CD99: variants seen among roughly 807,000 people sequenced by gnomAD.
CD99 encodes the protein CD99 molecule (Xg blood group).
In CD99, 19 loss-of-function variants were observed where a neutral mutation model predicts 28.4. That is an observed-to-expected ratio of 0.67 (90% CI 0.47 to 0.98). CD99 has a LOEUF of 0.98. Among genes scored for constraint, CD99 ranks in the 50% least tolerant of loss-of-function variants. The probability of loss-of-function intolerance (pLI) is 0.00; values close to 1 mark genes in which losing one functional copy is unlikely to be tolerated. For missense variants in CD99, 283 were observed against 248.8 expected (o/e 1.14, Z -0.92); for synonymous variants, 103 against 92.1 (o/e 1.12, Z -0.67).
chrX:2,740,429 GCATCATTGCAA>G (rs2050144948), intron 9 of CD99, among the ~76,000 whole-genome samples: 1 of 152,094 alleles, frequency 6.6e-6, no homozygotes, highest in Non-Finnish European at 1.5e-5. Flanking sequence ...TCTCAGCCCA[GCATCATTGCAA>G]ATCAATAAAA....
intron 1 of CD99, among the ~76,000 whole-genome samples, chrX:2,707,736 G>A (rs532435261): frequency 6.6e-6 from 1 of 152,196 alleles, no homozygotes; most frequent in Non-Finnish European, 1.5e-5. Context: ...GCTGAATGCC[G>A]TAAACGTGCA....
chrX:2,721,432 G>T (rs2048988712), intron 5 of CD99, among the ~76,000 whole-genome samples: 1 of 151,888 alleles, frequency 6.6e-6, no homozygotes, highest in South Asian at 2.1e-4. Context: ...AGTAGCTGGG[G>T]CTACAGGCAC....
chrX:2,727,101 C>T (rs2049330186), intron 8 of CD99, among the ~76,000 whole-genome samples: 1 of 152,210 alleles, frequency 6.6e-6, no homozygotes, highest in Admixed American at 6.5e-5. Context: ...CATGTGACTG[C>T]ACTCCAGCCT....
chrX:2,719,577 G>T (rs2048898096), intron 3 of CD99, 84 bp from the exon 4 acceptor site: 1 of 1,052,682 alleles, frequency 9.5e-7, no homozygotes, highest in Non-Finnish European at 1.5e-6. Context: ...TGGGGCCGTG[G>T]TGTGTTTTTG....
At chrX:2,714,395 TA>T in intron 1 of CD99, 26 bp from the exon 2 acceptor site, 1 of 1,539,494 alleles carries the variant, frequency 6.5e-7, no homozygotes, top group Non-Finnish European at 8.9e-7. Flanking sequence ...TTCTTGTTTC[TA>T]AGTTGACTCT....
At chrX:2,737,619 C>T (rs1050533550) in intron 8 of CD99, among the ~76,000 whole-genome samples, 3 of 151,926 alleles carry the variant, frequency 2.0e-5, no homozygotes, top group East Asian at 1.9e-4. Flanking sequence ...CTCAGCCTCC[C>T]GAGTAGCTGG....
chrX:2,739,631 TTACTAGAG>T (rs1347971632), intron 9 of CD99, among the ~76,000 whole-genome samples: 1 of 151,756 alleles, frequency 6.6e-6, no homozygotes, highest in Non-Finnish European at 1.5e-5. Context: ...CTTTCTGTTT[TTACTAGAG>T]ACGGGGCTTT....
At chrX:2,704,200 T>C (rs1436499292) in intron 1 of CD99, among the ~76,000 whole-genome samples, 1 of 152,182 alleles carries the variant, frequency 6.6e-6, no homozygotes, top group African/African-American at 2.4e-5. Context: ...CTTGTAAAAC[T>C]TGGCGTAGCT....
Position 2,712,804 on chromosome X carries a change from C to T in CD99, c.68-1618C>T, listed in dbSNP as rs183611403. On this transcript the variant is annotated intron_variant, in intron 1 of 9. Coordinates refer to ENST00000381192, the MANE Select transcript of CD99 (RefSeq NM_002414.5). ...ACACACACACAGACATACAAGCAGA[C>T]GTGGACACACCTACCTGTATGTACA... is the stretch of plus-strand genomic sequence containing the variant. Among the ~76,000 whole-genome samples, 253 of 152,150 alleles carry T rather than the reference C, an allele frequency of 1.7e-3. 1 individual carries two copies. Among genetic ancestry groups the T allele is most frequent in the African/African-American group, 5.5e-3 (227 of 41,472 alleles).
chrX:2,709,926 C>T, intron 1 of CD99, among the ~76,000 whole-genome samples: 1 of 151,984 alleles, frequency 6.6e-6, no homozygotes, highest in African/African-American at 2.4e-5. Context: ...CCCCTGAGGC[C>T]CAGGGACAGA....
At chrX:2,708,559 G>A (rs1036446181) in intron 1 of CD99, among the ~76,000 whole-genome samples, 4 of 152,182 alleles carry the variant, frequency 2.6e-5, no homozygotes, top group Non-Finnish European at 5.9e-5. Flanking sequence ...CAGGCATCCT[G>A]GAGTGACATT....
At chrX:2,695,199 G>A (rs1277512241) in intron 1 of CD99, among the ~76,000 whole-genome samples, 10 of 151,692 alleles carry the variant, frequency 6.6e-5, no homozygotes, top group African/African-American at 1.5e-4. Flanking sequence ...CTCGGGGTGC[G>A]AAGGAGGAAA....
At chrX:2,718,554 A>G (rs907092229) in intron 3 of CD99, among the ~76,000 whole-genome samples, 2 of 151,722 alleles carry the variant, frequency 1.3e-5, no homozygotes, top group African/African-American at 4.8e-5. Flanking sequence ...TATTTTTAGT[A>G]GAGACGGGGT....
chrX:2,733,230 C>A lies in CD99; in HGVS notation c.476-4970C>A, dbSNP rs184382301. On this transcript the variant is annotated intron_variant, in intron 8 of 9. Coordinates refer to ENST00000381192, the MANE Select transcript of CD99 (RefSeq NM_002414.5). ...CTTTGAGCCTCTATCCCATTACTTC[C>A]TTGCTCAGAGCAGCTCTTTCTAACA... 5.2e-4 allele frequency: 515 copies of A among 996,688 alleles called. 4 individuals carry two copies. In the East Asian group the frequency reaches 0.011, roughly 21 times the overall value. The allele number at this position is 996,688 out of a possible 1,614,324, so 61.7% of individuals were successfully genotyped here.
chrX:2,717,343 G>C (rs2048773030), intron 2 of CD99: 1 of 416,282 alleles, frequency 2.4e-6, no homozygotes, highest in Middle Eastern at 6.4e-4. Flanking sequence ...GCAAGACTTG[G>C]TCTCAAAAAA....
At chrX:2,701,126 T>G (rs1224407195) in intron 1 of CD99, among the ~76,000 whole-genome samples, 1 of 150,976 alleles carries the variant, frequency 6.6e-6, no homozygotes, top group Non-Finnish European at 1.5e-5. Context: ...ATCTTTCCAC[T>G]CATCCCATCC....
chrX:2,691,581 C>T, intron 1 of CD99, 154 bp downstream of exon 1: 1 of 810,772 alleles, frequency 1.2e-6, no homozygotes, highest in South Asian at 1.4e-5. Context: ...GGGCCCAGGC[C>T]CGGAGGAGGC....
chrX:2,723,597 C>A (rs1356594302), intron 7 of CD99, among the ~76,000 whole-genome samples: 1 of 152,178 alleles, frequency 6.6e-6, no homozygotes, highest in African/African-American at 2.4e-5. Context: ...GGTCACCTGC[C>A]CACGATGCCC....
At chrX:2,734,591 G>A (rs2049837400) in intron 8 of CD99, among the ~76,000 whole-genome samples, 1 of 151,214 alleles carries the variant, frequency 6.6e-6, no homozygotes, top group Non-Finnish European at 1.5e-5. Flanking sequence ...ACAGGTGTGA[G>A]CCACTGTGCC....
Sources: allele counts gnomAD v4.1 joint callset (sites outside exome capture counted in the v4.1 genomes callset), GRCh38; gene constraint gnomAD v4.1.1; transcripts MANE v1.5; gene names NCBI Gene and HGNC (gene_info 2026-07-23, HGNC 2026-07-21).